The following SNX25 variants were observed in gnomAD, a reference collection of about 807,000 sequenced individuals.
SNX25 encodes sorting nexin-25.
Under a neutral mutation model 113.7 loss-of-function variants are expected in SNX25, and 62 were observed. That is an observed-to-expected ratio of 0.55 (90% confidence interval 0.44 to 0.67). SNX25 has a LOEUF of 0.67. Ranked by LOEUF, SNX25 falls within the 30% of genes least tolerant of loss-of-function variation. The pLI, the probability that SNX25 is intolerant of heterozygous loss-of-function variation, is 0.00. For synonymous variants in SNX25, 421 were observed against 436.2 expected (o/e 0.97, Z 0.43); for missense variants, 1,014 against 1,161.0 (o/e 0.87, Z 1.84).
At chr4:185,300,324 A>G (rs1314208238) in intron 6 of SNX25, among the ~76,000 whole-genome samples, 1 of 135,228 alleles carries the variant, frequency 7.4e-6, no homozygotes, top group Non-Finnish European at 1.6e-5. Flanking sequence ...ACACCCAGCT[A>G]TTTTTTTTTT....
At position 185,318,153 on chromosome 4, in the gene SNX25, A is replaced by G. The variant is rs546521920; in HGVS notation, c.1345-2580A>G. Among the ~76,000 whole-genome samples, 32 of 152,292 alleles carry G rather than the reference A, an allele frequency of 2.1e-4. No homozygotes were observed. In the South Asian group the frequency reaches 3.9e-3, roughly 19 times the overall value. On this transcript the variant is annotated intron_variant, in intron 7 of 18. Transcript: ENST00000652585. ...GTAATACACTGATGGTATGCACTTGATTTTAGAAATATCTTACTGGTGACA... is the reference window on the plus strand; with the variant it reads ...GTAATACACTGATGGTATGCACTTGGTTTTAGAAATATCTTACTGGTGACA...
chr4:185,247,198 T>C, intron 1 of SNX25, 96 bp from the exon 2 acceptor site: 1 of 795,910 alleles, frequency 1.3e-6, no homozygotes, highest in Non-Finnish European at 2.1e-6. Context: ...CTTATCTTAA[T>C]GCTTGTTTAG....
chr4:185,281,036 C>A (rs1750490780), intron 5 of SNX25, among the ~76,000 whole-genome samples: 1 of 152,180 alleles, frequency 6.6e-6, no homozygotes. Context: ...TCCCTAGAAT[C>A]CCATAGTAAT....
intron 10 of SNX25, among the ~76,000 whole-genome samples, chr4:185,333,719 G>C (rs1279992435): frequency 8.5e-5 from 13 of 152,166 alleles, no homozygotes; most frequent in Admixed American, 7.9e-4. Context: ...ACAAAATTGT[G>C]TAGGAAGAAG....
chr4:185,369,914 A>T (rs1337343475), exon 12 of SNX25: 1 of 291,764 alleles, frequency 3.4e-6, no homozygotes, highest in Non-Finnish European at 6.8e-6. Context: ...GACTCAGAAG[A>T]CTCCCCCACT....
chr4:185,330,261 G>C (rs1484093267), intron 9 of SNX25, among the ~76,000 whole-genome samples: 1 of 152,154 alleles, frequency 6.6e-6, no homozygotes, highest in East Asian at 1.9e-4. Context: ...AGGTTATCTT[G>C]GGGCTGACAT....
At chr4:185,295,399 T>TA (rs1752700988) in intron 6 of SNX25, among the ~76,000 whole-genome samples, 1 of 151,662 alleles carries the variant, frequency 6.6e-6, no homozygotes, top group Admixed American at 6.6e-5. Flanking sequence ...TATACATTAA[T>TA]ACACACAATA....
At chr4:185,354,338 C>T (rs1390744677) in intron 15 of SNX25, among the ~76,000 whole-genome samples, 1 of 152,152 alleles carries the variant, frequency 6.6e-6, no homozygotes, top group African/African-American at 2.4e-5. Flanking sequence ...AATGCCTCCA[C>T]CCTATTTTTC....
intron 7 of SNX25, among the ~76,000 whole-genome samples, chr4:185,315,223 A>C (rs1257574807): frequency 7.7e-6 from 1 of 130,088 alleles, no homozygotes; most frequent in Non-Finnish European, 1.7e-5. Flanking sequence ...GCAAGACTCC[A>C]TCTCAAAAAA....
chr4:185,246,650 C>A (rs549590292), intron 1 of SNX25, among the ~76,000 whole-genome samples: 3 of 152,222 alleles, frequency 2.0e-5, no homozygotes, highest in African/African-American at 7.2e-5. Flanking sequence ...GTCTCCTAGT[C>A]TATCATTTAC....
chr4:185,353,193 T>A (rs1340726447), intron 14 of SNX25: 7 of 236,934 alleles, frequency 3.0e-5, no homozygotes. Flanking sequence ...AGCCTTAGTT[T>A]TGAAATTCAA....
downstream of SNX25, among the ~76,000 whole-genome samples, chr4:185,368,384 C>T (rs1445868307): frequency 6.6e-6 from 1 of 152,126 alleles, no homozygotes; most frequent in Non-Finnish European, 1.5e-5. Context: ...CTTACTGCCT[C>T]ACCTTCTGCC....
chr4:185,272,798 C>G (rs1426102839), intron 5 of SNX25, among the ~76,000 whole-genome samples: 2 of 152,188 alleles, frequency 1.3e-5, no homozygotes, highest in Admixed American at 6.5e-5. Context: ...ATTGACTGAT[C>G]GGGATACCTC....
the SNX25 span, chr4:185,378,239 A>G: frequency 6.2e-7 from 1 of 1,603,186 alleles, no homozygotes; most frequent in South Asian, 1.1e-5. Context: ...AAGTGGTAGA[A>G]ATTTCTTCCT....
chr4:185,291,798 A>C (rs1752208820), intron 6 of SNX25, among the ~76,000 whole-genome samples: 1 of 152,194 alleles, frequency 6.6e-6, no homozygotes, highest in African/African-American at 2.4e-5. Context: ...GCCCACCCTG[A>C]TTAAGCATGA....
intron 9 of SNX25, 107 bp from the exon 10 acceptor site, chr4:185,332,488 T>C: frequency 9.1e-7 from 1 of 1,101,326 alleles, no homozygotes; most frequent in Non-Finnish European, 1.2e-6. Flanking sequence ...ACTTTAGTAT[T>C]CTTTCCTTAC....
At chr4:185,366,608 G>A (rs968470936), downstream of SNX25, 1 of 152,100 alleles carries the variant, frequency 6.6e-6, no homozygotes, top group Non-Finnish European at 1.5e-5. Context: ...AACTTCAGAA[G>A]TAGAAATGCT....
At chr4:185,288,865 C>A (rs1014119375) in intron 6 of SNX25, among the ~76,000 whole-genome samples, 6 of 152,200 alleles carry the variant, frequency 3.9e-5, no homozygotes, top group Admixed American at 6.5e-5. Context: ...CTGCTTTCAC[C>A]TTGGAGAACA....
At chr4:185,225,940 C>T (rs1221784760) in intron 1 of SNX25, among the ~76,000 whole-genome samples, 1 of 152,172 alleles carries the variant, frequency 6.6e-6, no homozygotes, top group Non-Finnish European at 1.5e-5. Context: ...TTAGTCTGGC[C>T]TGATTCAGAT....
Sources: allele counts gnomAD v4.1 joint callset (sites outside exome capture counted in the v4.1 genomes callset), GRCh38; gene constraint gnomAD v4.1.1; transcripts MANE v1.5; gene names NCBI Gene and HGNC (gene_info 2026-07-23, HGNC 2026-07-21).